WWC2: variants seen among roughly 807,000 people sequenced by gnomAD.
WWC2 encodes protein WWC2.
A neutral mutation model predicts 138.5 loss-of-function variants in WWC2; 101 were observed. That is an observed-to-expected ratio of 0.73 (90% confidence interval 0.62 to 0.86). The LOEUF is 0.86. Ranked by LOEUF, WWC2 falls within the 40% of genes least tolerant of loss-of-function variation. The pLI is 0.00. For synonymous variants in WWC2, 558 were observed against 538.4 expected (o/e 1.04, Z -0.50); for missense variants, 1,420 against 1,419.4 (o/e 1.00, Z -0.01).
intron 1 of WWC2, among the ~76,000 whole-genome samples, chr4:183,145,827 T>A (rs879502701): frequency 6.6e-6 from 1 of 152,220 alleles, no homozygotes; most frequent in Non-Finnish European, 1.5e-5. Context: ...TTATGTATCA[T>A]GAAATCTTCT....
intron 19 of WWC2, among the ~76,000 whole-genome samples, chr4:183,285,309 T>G (rs1333918321): frequency 6.6e-6 from 1 of 152,228 alleles, no homozygotes; most frequent in African/African-American, 2.4e-5. Flanking sequence ...TAGCACAGAC[T>G]GTGTCTCAAC....
intron 21 of WWC2, among the ~76,000 whole-genome samples, chr4:183,310,805 CCTCCTAGTA>C (rs947621251): frequency 6.9e-6 from 1 of 145,900 alleles, no homozygotes; most frequent in African/African-American, 2.5e-5. Context: ...TATAACCCTG[CCTCCTAGTA>C]CAGAGCCTGG....
chr4:183,195,270 T>C (rs1329959578), intron 2 of WWC2, among the ~76,000 whole-genome samples: 1 of 152,230 alleles, frequency 6.6e-6, no homozygotes, highest in African/African-American at 2.4e-5. Context: ...GATGAATAAT[T>C]GTGTAGCTTT....
chr4:183,240,924 G>A lies in WWC2; in HGVS notation c.602+662G>A, dbSNP rs148068038. Among the ~76,000 whole-genome samples the A allele has an allele frequency of 8.5e-3, 1,294 of 152,268 alleles. 32 individuals carry two copies. Among genetic ancestry groups the A allele is most frequent in the African/African-American group, 0.029 (1,219 of 41,544 alleles). On this transcript the variant is annotated intron_variant, in intron 5 of 22. Transcript: ENST00000403733. The stretch of plus-strand genomic sequence containing the variant: ...GTCACAGGATGAGGATATCCCTTCC[G>A]CATTCCCGGCCCCTGAAAGCCACTG...
In WWC2 at chr4:183,269,051, C is replaced by T. The variant is rs755144783; in HGVS notation, c.2288C>T (p.Ser763Phe). 27 of 1,613,808 alleles carry T rather than the reference C, an allele frequency of 1.7e-5. No individual in the cohort carries two copies. Among genetic ancestry groups the T allele is most frequent in the Admixed American group, 1.2e-4 (7 of 59,998 alleles). Reference protein sequence around the residue: ...FRTKVHPPTESILFNDVFRVA... With the variant: ...FRTKVHPPTEFILFNDVFRVA... ...ACAAAAGTTCATCCGCCCACAGAAT[C>T]CATTTTATTCAATGATGTGTTCAGA... Residue 763 changes from serine to phenylalanine, a missense_variant, in exon 15 of 23, where the codon TCC becomes TTC. By Grantham distance (155) the Ser-to-Phe change is radical. Transcript: ENST00000403733.
At chr4:183,107,275 C>A (rs1743397621) in intron 1 of WWC2, among the ~76,000 whole-genome samples, 1 of 152,148 alleles carries the variant, frequency 6.6e-6, no homozygotes, top group South Asian at 2.1e-4. Flanking sequence ...GATCCTCCCA[C>A]CTCAGCCTCC....
chr4:183,235,011 C>T (rs1736371851), intron 4 of WWC2, among the ~76,000 whole-genome samples: 1 of 152,208 alleles, frequency 6.6e-6, no homozygotes, highest in Non-Finnish European at 1.5e-5. Flanking sequence ...TACTAATTAA[C>T]ACCATACCGA....
At position 183,320,583 on chromosome 4, in the gene WWC2, A is replaced by C. The variant is rs1427009594; in HGVS notation, c.*4854A>C. On this transcript the variant is annotated 3_prime_UTR_variant, in exon 23 of 23. Coordinates refer to ENST00000403733, the MANE Select transcript of WWC2 (RefSeq NM_024949.6). ...ACCTTTCTAACAAAGAATTAAGTCT[A>C]AATGCAAAATGTTTAACTGATGGTT... 4 of 246,950 alleles carry C rather than the reference A, an allele frequency of 1.6e-5. No homozygotes were observed. The East Asian group carries it at 3.8e-4, about 24-fold the overall frequency. The allele number at this position is 246,950 out of a possible 1,614,324, so 15.3% of individuals were successfully genotyped here.
chr4:183,233,138 C>T (rs200969094), intron 4 of WWC2, among the ~76,000 whole-genome samples: 220 of 70,024 alleles, frequency 3.1e-3, no homozygotes, highest in Middle Eastern at 9.3e-3. Flanking sequence ...TTTTTTTTTT[C>T]TTTTTAAACC....
chr4:183,147,030 A>T (rs1733482075), intron 1 of WWC2, among the ~76,000 whole-genome samples: 1 of 152,138 alleles, frequency 6.6e-6, no homozygotes, highest in Non-Finnish European at 1.5e-5. Context: ...ATCTTCAGAG[A>T]TTTGGATTTA....
chr4:183,131,771 C>A (rs1732933312), intron 1 of WWC2, among the ~76,000 whole-genome samples: 1 of 152,160 alleles, frequency 6.6e-6, no homozygotes, highest in Non-Finnish European at 1.5e-5. Flanking sequence ...ATATGTTATA[C>A]TACATGAACT....
intron 21 of WWC2, among the ~76,000 whole-genome samples, chr4:183,304,721 G>A (rs1738967608): frequency 6.6e-6 from 1 of 152,110 alleles, no homozygotes; most frequent in Admixed American, 6.5e-5. Context: ...CAGGAGCACA[G>A]GCCTACTAAA....
chr4:183,310,695 G>A (rs1232465941), intron 21 of WWC2, among the ~76,000 whole-genome samples: 1 of 144,788 alleles, frequency 6.9e-6, no homozygotes, highest in Non-Finnish European at 1.5e-5. Flanking sequence ...CATAGAGAGA[G>A]TGTCTCTCTA....
chr4:183,130,243 G>A lies in WWC2; in HGVS notation c.131+30621G>A, dbSNP rs540374561. On this transcript the variant is annotated intron_variant, in intron 1 of 22. Coordinates refer to ENST00000403733, the MANE Select transcript of WWC2 (RefSeq NM_024949.6). ...AATTTTTTGTATTTTTAGTAGAGAC[G>A]GGGTTTCATCGTGTTAGCCAGGATG... Among the ~76,000 whole-genome samples, 5 of 152,130 alleles carry A rather than the reference G, an allele frequency of 3.3e-5. 1 individual carries two copies. Among genetic ancestry groups the A allele is most frequent in the South Asian group, 2.1e-4 (1 of 4,812 alleles).
At chr4:183,282,946 C>T (rs3814421) in intron 18 of WWC2, 40 bp downstream of exon 18, 588,080 of 1,517,142 alleles carry the variant, frequency 0.39, 116,058 homozygotes, top group Admixed American at 0.48. Flanking sequence ...TGATACCTTA[C>T]AGGCACCATG....
intron 4 of WWC2, among the ~76,000 whole-genome samples, chr4:183,218,555 T>C (rs1022524813): frequency 6.6e-6 from 1 of 152,226 alleles, no homozygotes; most frequent in African/African-American, 2.4e-5. Context: ...AAGAATTGGC[T>C]GACACAATTA....
chr4:183,145,603 GC>G (rs1733430865), intron 1 of WWC2, among the ~76,000 whole-genome samples: 1 of 152,208 alleles, frequency 6.6e-6, no homozygotes, highest in Non-Finnish European at 1.5e-5. Context: ...GGAGTGCTAA[GC>G]AGCTGGAGCA....
chr4:183,253,851 G>A lies in WWC2; in HGVS notation c.1048G>A (p.Glu350Lys). The change falls in exon 9 of 23, where the codon GAA (glutamate) becomes AAA (lysine). Residue 350 changes from glutamate to lysine, a missense_variant. Coordinates refer to ENST00000403733, the MANE Select transcript of WWC2 (RefSeq NM_024949.6). ...GAAGGAAAAACTGATGCTGATTAATGAAAAAGAAGAACTTTTGAAAGAGCT... is the reference window on the plus strand; with the variant it reads ...GAAGGAAAAACTGATGCTGATTAATAAAAAAGAAGAACTTTTGAAAGAGCT... ...IEKEKLMLIN[E>K]KEELLKELQF... The A allele has an allele frequency of 6.2e-7, 1 of 1,613,630 alleles. No homozygotes were observed.
intron 14 of WWC2, among the ~76,000 whole-genome samples, chr4:183,266,680 C>T (rs115659177): frequency 1.3e-4 from 20 of 152,230 alleles, no homozygotes; most frequent in East Asian, 9.7e-4. Flanking sequence ...ACGTAGAATC[C>T]GGAATATGCA....
Sources: allele counts gnomAD v4.1 joint callset (sites outside exome capture counted in the v4.1 genomes callset), GRCh38; gene constraint gnomAD v4.1.1; transcripts MANE v1.5; gene names NCBI Gene and HGNC (gene_info 2026-07-23, HGNC 2026-07-21).